Variants in ARHGAP8 observed in about 807,000 individuals in gnomAD.
The protein encoded by ARHGAP8 is rho GTPase-activating protein 8.
Under a neutral mutation model 46.1 loss-of-function variants are expected in ARHGAP8, and 62 were observed. The ratio of observed to expected loss-of-function variants is 1.34; its 90% CI spans 1.10 to 1.66. The LOEUF (loss-of-function observed/expected upper bound fraction) is 1.66, where lower values mean the gene tolerates loss of function less well. Ranked by LOEUF, ARHGAP8 falls within the 40% of genes most tolerant of loss-of-function variation. The pLI, the probability that ARHGAP8 is intolerant of heterozygous loss-of-function variation, is 0.00. For synonymous variants in ARHGAP8, 375 were observed against 243.1 expected, an observed-to-expected ratio of 1.54 and a Z score of -5.05; for missense variants, 923 against 568.4, an observed-to-expected ratio of 1.62 and a Z score of -6.34.
At chr22:44,803,712 C>G (rs563509959) in intron 3 of ARHGAP8, among the ~76,000 whole-genome samples, 1 of 112,100 alleles carries the variant, frequency 8.9e-6, no homozygotes, top group African/African-American at 3.5e-5. Flanking sequence ...CACACCCCCC[C>G]ATGCATGCAC....
Position 44,786,499 on chromosome 22 carries a change from C to T in ARHGAP8, c.-29C>T. ...GCGGCGGCGGCTGCTGTGCTGGGTGCAGTGAGGAAGAGGCCCTCGGTGGTG... is the reference window on the plus strand; with the variant it reads ...GCGGCGGCGGCTGCTGTGCTGGGTGTAGTGAGGAAGAGGCCCTCGGTGGTG... On this transcript the variant is annotated 5_prime_UTR_variant, in exon 2 of 12. Transcript: ENST00000356099. The T allele has an allele frequency of 6.2e-7, 1 of 1,612,732 alleles. No individual in the cohort carries two copies.
intron 7 of ARHGAP8, among the ~76,000 whole-genome samples, chr22:44,836,529 A>G (rs1931297509): frequency 2.0e-5 from 3 of 151,324 alleles, no homozygotes; most frequent in African/African-American, 7.3e-5. Context: ...GGGCTTTAGT[A>G]TTGCACGTGG....
chr22:44,753,451 C>T (rs1324435182), intron 1 of ARHGAP8, among the ~76,000 whole-genome samples: 1 of 152,096 alleles, frequency 6.6e-6, no homozygotes, highest in African/African-American at 2.4e-5. Flanking sequence ...GACCACCTGA[C>T]CTCAGGTGAT....
intron 6 of ARHGAP8, among the ~76,000 whole-genome samples, chr22:44,822,707 A>T (rs901399672): frequency 1.3e-5 from 2 of 152,210 alleles, no homozygotes; most frequent in African/African-American, 4.8e-5. Flanking sequence ...CACCATTGCA[A>T]AACTGATTTA....
Position 44,860,395 on chromosome 22 carries a change from T to G in ARHGAP8, c.981+561T>G, listed in dbSNP as rs1355536335. On this transcript the variant is annotated intron_variant, in intron 11 of 11. Transcript: ENST00000356099. ...CTTCCTGGCCTCTCCCAGCTCCTGGTCACTCCAGCTATGCCTCCAGCTCCC... is the reference window on the plus strand; with the variant it reads ...CTTCCTGGCCTCTCCCAGCTCCTGGGCACTCCAGCTATGCCTCCAGCTCCC... 3.9e-5 allele frequency among the ~76,000 whole-genome samples: 6 copies of G among 152,028 alleles called. No individual in the cohort carries two copies. The South Asian group carries it at 8.3e-4, about 21-fold the overall frequency.
chr22:44,852,707 C>T (rs960030449), intron 10 of ARHGAP8, among the ~76,000 whole-genome samples: 3 of 152,182 alleles, frequency 2.0e-5, no homozygotes, highest in African/African-American at 4.8e-5. Context: ...CTACCTAAGT[C>T]AGCCTGTTAA....
chr22:44,859,839 G>C lies in ARHGAP8; in HGVS notation c.981+5G>C, dbSNP rs2147198367. The C allele has an allele frequency of 1.2e-6, 2 of 1,613,062 alleles. No individual in the cohort carries two copies. Among genetic ancestry groups the C allele is most frequent in the African/African-American group, 1.3e-5 (1 of 75,014 alleles). On this transcript the variant is annotated splice_donor_5th_base_variant and intron_variant, in intron 11 of 11. Coordinates refer to ENST00000356099, the MANE Select transcript of ARHGAP8 (RefSeq NM_181335.3). ...CTCATGGGCTTCCTGCATGCGGTGA[G>C]TGGGGAAGGGGGGAGCTTGGGGTGA...
At chr22:44,859,643 T>C (rs906097991) in intron 10 of ARHGAP8, 88 bp from the exon 11 acceptor site, 3 of 1,429,538 alleles carry the variant, frequency 2.1e-6, no homozygotes, top group African/African-American at 1.4e-5. Flanking sequence ...GAGCTGTCCT[T>C]CCTACACCCC....
At chr22:44,849,200 C>T in intron 10 of ARHGAP8, 140 bp downstream of exon 10, 11 of 1,489,114 alleles carry the variant, frequency 7.4e-6, no homozygotes, top group Non-Finnish European at 8.1e-6. Context: ...CACTGCAGGG[C>T]AAGAGAGGGG....
chr22:44,821,291 G>A (rs572287177), intron 5 of ARHGAP8, among the ~76,000 whole-genome samples: 23 of 152,150 alleles, frequency 1.5e-4, no homozygotes, highest in African/African-American at 3.4e-4. Context: ...TTAGCCAGGC[G>A]TGGTGGTGTG....
At chr22:44,837,075 G>T (rs1459143916) in intron 7 of ARHGAP8, among the ~76,000 whole-genome samples, 1 of 152,154 alleles carries the variant, frequency 6.6e-6, no homozygotes, top group Non-Finnish European at 1.5e-5. Flanking sequence ...GGTAGAAACG[G>T]GGTTTCACCA....
At chr22:44,827,080 T>C (rs1245060148) in intron 7 of ARHGAP8, among the ~76,000 whole-genome samples, 3 of 152,060 alleles carry the variant, frequency 2.0e-5, no homozygotes, top group Non-Finnish European at 4.4e-5. Context: ...TTGGGTTCTC[T>C]GGTGGGCCCA....
intron 4 of ARHGAP8, among the ~76,000 whole-genome samples, chr22:44,814,460 A>G (rs1027277684): frequency 2.3e-4 from 35 of 152,204 alleles, no homozygotes; most frequent in African/African-American, 7.2e-4. Flanking sequence ...GGCGAACTAA[A>G]GCGCTGCAGG....
In ARHGAP8 at chr22:44,862,609, C is replaced by G. The variant is rs759129446; in HGVS notation, c.*14C>G. The stretch of plus-strand genomic sequence containing the variant: ...AGACGTCTCTAGTGTTGCGAACACT[C>G]TGTATATTTCGAGCTACCTCCCACA... On this transcript the variant is annotated 3_prime_UTR_variant, in exon 12 of 12. Transcript: ENST00000356099. 2 of 1,541,642 alleles carry G rather than the reference C, an allele frequency of 1.3e-6. No homozygotes were observed. Among genetic ancestry groups the G allele is most frequent in the East Asian group, 2.3e-5 (1 of 43,256 alleles).
At chr22:44,780,078 C>T (rs935666097) in intron 1 of ARHGAP8, among the ~76,000 whole-genome samples, 1 of 152,162 alleles carries the variant, frequency 6.6e-6, no homozygotes, top group Non-Finnish European at 1.5e-5. Context: ...GAGGAGCTGG[C>T]CGGCATAGCT....
At chr22:44,822,798 AT>A (rs1262989943) in intron 6 of ARHGAP8, among the ~76,000 whole-genome samples, 1 of 152,216 alleles carries the variant, frequency 6.6e-6, no homozygotes, top group Non-Finnish European at 1.5e-5. Flanking sequence ...AATTAGGAGA[AT>A]TTCCCAGGCG....
intron 5 of ARHGAP8, 131 bp from the exon 6 acceptor site, chr22:44,822,240 C>A: frequency 1.4e-6 from 1 of 738,324 alleles, no homozygotes; most frequent in Non-Finnish European, 2.1e-6. Flanking sequence ...TAAGTCGTGT[C>A]AGCGTTTACA....
chr22:44,844,322 CA>C (rs1294404539), intron 7 of ARHGAP8, among the ~76,000 whole-genome samples: 1 of 151,970 alleles, frequency 6.6e-6, no homozygotes, highest in Non-Finnish European at 1.5e-5. Flanking sequence ...AATAATTAGC[CA>C]GCAAAATAAA....
chr22:44,813,717 A>G (rs1322449756), intron 4 of ARHGAP8, among the ~76,000 whole-genome samples: 1 of 145,212 alleles, frequency 6.9e-6, no homozygotes, highest in Non-Finnish European at 1.5e-5. Context: ...ACCTACACAC[A>G]CTTTCATACA....
Sources: allele counts gnomAD v4.1 joint callset (sites outside exome capture counted in the v4.1 genomes callset), GRCh38; gene constraint gnomAD v4.1.1; transcripts MANE v1.5; gene names NCBI Gene and HGNC (gene_info 2026-07-23, HGNC 2026-07-21).